Variants in PDE4DIP observed in about 807,000 individuals in gnomAD.
The protein encoded by PDE4DIP is phosphodiesterase 4D interacting protein, also known as myomegalin.
PDE4DIP carries 59 observed loss-of-function variants against 221.4 expected under a neutral mutation model. That is an observed-to-expected ratio of 0.27 (90% confidence interval 0.22 to 0.33). The LOEUF is 0.33. PDE4DIP is among the 10% of genes least tolerant of loss of function. The probability of loss-of-function intolerance (pLI) is 1.00; values close to 1 mark genes in which losing one functional copy is unlikely to be tolerated. For synonymous variants in PDE4DIP, 404 were observed against 815.9 expected (o/e 0.50, Z 8.60); for missense variants, 1,036 against 2,154.2 (o/e 0.48, Z 10.28).
At chr1:149,029,517 T>G (rs1408368789) in intron 41 of PDE4DIP, among the ~76,000 whole-genome samples, 1 of 152,174 alleles carries the variant, frequency 6.6e-6, no homozygotes, top group Admixed American at 6.5e-5. Flanking sequence ...GTTGGGAGTT[T>G]GATACCAGCC....
At chr1:148,998,711 A>G (rs1195141105) in intron 23 of PDE4DIP, among the ~76,000 whole-genome samples, 1 of 143,874 alleles carries the variant, frequency 7.0e-6, no homozygotes, top group South Asian at 2.4e-4. Flanking sequence ...ACAGAACCAG[A>G]ACAGTTCACG....
intron 4 of PDE4DIP, among the ~76,000 whole-genome samples, chr1:148,934,455 G>T (rs2048752840): frequency 1.3e-5 from 2 of 152,134 alleles, no homozygotes; most frequent in Non-Finnish European, 2.9e-5. Flanking sequence ...GGAGACTAAG[G>T]GTCAAAGAGA....
At chr1:148,858,347 G>T (rs1340564531) in intron 1 of PDE4DIP, among the ~76,000 whole-genome samples, 1 of 87,232 alleles carries the variant, frequency 1.1e-5, no homozygotes, top group Non-Finnish European at 2.1e-5. Context: ...TTTCGCTCTA[G>T]GTATTGCTAT....
intron 1 of PDE4DIP, among the ~76,000 whole-genome samples, chr1:148,919,228 T>C (rs1181988635): frequency 6.7e-6 from 1 of 150,298 alleles, no homozygotes; most frequent in East Asian, 1.9e-4. Flanking sequence ...GCTAGGTGTC[T>C]CACATAAGCG....
intron 2 of PDE4DIP, chr1:148,929,776 A>C (rs2047446081): frequency 6.5e-6 from 1 of 154,152 alleles, no homozygotes; most frequent in Non-Finnish European, 1.4e-5. Flanking sequence ...GTTTCTTATA[A>C]ATAAAAGCGT....
intron 4 of PDE4DIP, among the ~76,000 whole-genome samples, chr1:148,933,578 A>G (rs1573724863): frequency 6.6e-6 from 1 of 152,316 alleles, no homozygotes; most frequent in Middle Eastern, 3.4e-3. Flanking sequence ...ACAAATTGGC[A>G]AATAATTTAG....
At chr1:148,929,713 T>G (rs2047431631) in intron 2 of PDE4DIP, 1 of 154,542 alleles carries the variant, frequency 6.5e-6, no homozygotes, top group Non-Finnish European at 1.4e-5. Flanking sequence ...ATGCTACCTA[T>G]TATAATAAAA....
At chr1:149,032,697 G>A (rs1275795840) in exon 44 of PDE4DIP, 1 of 223,410 alleles carries the variant, frequency 4.5e-6, no homozygotes, top group African/African-American at 2.2e-5. Context: ...GTCCCATTTT[G>A]TCACCCTATC....
At chr1:148,882,241 TA>T (rs1178768805) in intron 3 of PDE4DIP, among the ~76,000 whole-genome samples, 33 of 139,724 alleles carry the variant, frequency 2.4e-4, no homozygotes, top group Non-Finnish European at 1.5e-5. Context: ...CCCTGGGTGC[TA>T]AAAAGCAGGA....
chr1:148,924,832 C>G (rs559376), intron 1 of PDE4DIP, among the ~76,000 whole-genome samples: 3,931 of 136,128 alleles, frequency 0.029, no homozygotes, highest in East Asian at 0.2. Flanking sequence ...TCTACTGATG[C>G]TATAAAAGAA....
chr1:148,984,168 A>T (rs1189451082), intron 21 of PDE4DIP: 1 of 152,076 alleles, frequency 6.6e-6, no homozygotes, highest in Non-Finnish European at 1.5e-5. Context: ...TAGCCAAGTT[A>T]TAACTTTTTT....
At chr1:148,866,602 AAGGAAGGGAGGGAGGG>A (rs1258967939) in intron 2 of PDE4DIP, 1 of 25,894 alleles carries the variant, frequency 3.9e-5, no homozygotes, top group Middle Eastern at 0.014. Context: ...GGAAGGAAGG[AAGGAAGGGAGGGAGGG>A]AGGGAGGGAG....
At chr1:148,888,240 A>C (rs12118120), upstream of PDE4DIP, among the ~76,000 whole-genome samples, 6,892 of 131,342 alleles carry the variant, frequency 0.052, 2 homozygotes, top group Middle Eastern at 0.097. Context: ...TTAAGAGTGT[A>C]TGCATATGTA....
At chr1:149,021,796 A>G (rs2073045247) in intron 37 of PDE4DIP, 1 of 147,128 alleles carries the variant, frequency 6.8e-6, no homozygotes, top group Non-Finnish European at 1.5e-5. Context: ...TACCACTAAT[A>G]GGACCTAAAT....
intron 5 of PDE4DIP, chr1:148,941,938 A>G (rs587637810): frequency 5.9e-5 from 9 of 152,200 alleles, no homozygotes; most frequent in African/African-American, 2.2e-4. Context: ...GAATCTCCTC[A>G]TCTCCAGTGA....
At chr1:148,972,567 T>C in exon 16 of PDE4DIP, 1 of 555,572 alleles carries the variant, frequency 1.8e-6, no homozygotes, top group Non-Finnish European at 3.1e-6. Flanking sequence ...CCAAAGAGGA[T>C]GTCAGCATAC....
chr1:148,890,193 A>AGCTC (rs1553435384), intron 1 of PDE4DIP, among the ~76,000 whole-genome samples: 426 of 52,050 alleles, frequency 8.2e-3, no homozygotes, highest in South Asian at 0.023. Context: ...GAGCTGGTTT[A>AGCTC]AAATGTAGAT....
intron 1 of PDE4DIP, among the ~76,000 whole-genome samples, chr1:148,815,547 C>CAA (rs3978512): frequency 8.3e-4 from 22 of 26,484 alleles, no homozygotes; most frequent in East Asian, 2.8e-3. Flanking sequence ...GACTCTGTCT[C>CAA]AAAAAAAAAA....
intron 33 of PDE4DIP, among the ~76,000 whole-genome samples, 198 bp downstream of exon 36, chr1:149,016,748 GT>G: frequency 6.6e-6 from 1 of 152,182 alleles, no homozygotes; most frequent in South Asian, 2.1e-4. Context: ...TCAGTGCTCT[GT>G]AGGGATATGG....
Sources: gnomAD v4.1 joint callset for allele counts (sites outside exome capture counted in the v4.1 genomes callset) on GRCh38, gnomAD v4.1.1 for gene constraint, MANE v1.5 for transcripts, NCBI Gene and HGNC (gene_info 2026-07-23, HGNC 2026-07-21) for gene names.